Variants in ATP5F1C observed in about 807,000 individuals in gnomAD.
The protein encoded by ATP5F1C is ATP synthase F(1) complex subunit gamma, mitochondrial.
A neutral mutation model predicts 37.4 loss-of-function variants in ATP5F1C; 22 were observed. The observed-to-expected ratio is 0.59, with a 90% confidence interval of 0.42 to 0.84. The LOEUF is 0.84. Among genes scored for constraint, ATP5F1C ranks in the 40% least tolerant of loss-of-function variants. ATP5F1C has a pLI of 0.00. For missense variants in ATP5F1C, 286 were observed against 362.4 expected (o/e 0.79, Z 1.71); for synonymous variants, 121 against 128.0 (o/e 0.95, Z 0.37).
rs758752050 is a variant in ATP5F1C at position 7,805,383 on chromosome 10, G to A, written c.891-1591G>A. Reference sequence around the variant, plus strand: ...GGGGGTTTTTTTGCTCTTGACAAACGAATGTTAGGTATGACCTATGATGAT... The same window carrying A: ...GGGGGTTTTTTTGCTCTTGACAAACAAATGTTAGGTATGACCTATGATGAT... On this transcript the variant is annotated intron_variant, in intron 8 of 9. Transcript: ENST00000356708. Among the ~76,000 whole-genome samples, 7 of 152,158 alleles carry A rather than the reference G, an allele frequency of 4.6e-5. 1 individual carries two copies. The highest frequency in any genetic ancestry group is 1.0e-4 in the Non-Finnish European group (7 of 68,038).
rs780244697 is a variant in ATP5F1C, at chr10:7,799,820, G to GC, written c.483dup (p.Thr162HisfsTer11). 4 of 1,614,166 alleles carry GC rather than the reference G, an allele frequency of 2.5e-6. No individual in the cohort carries two copies. The highest frequency in any genetic ancestry group is 3.4e-6 in the Non-Finnish European group (4 of 1,180,018). On this transcript the variant is annotated frameshift_variant, in exon 5 of 10. Coordinates refer to ENST00000356708, the MANE Select transcript of ATP5F1C (RefSeq NM_001001973.3). LOFTEE classifies it high-confidence loss of function. Reference sequence around the variant, plus strand: ...TGGCATTCAAAGAAGTGGGAAGAAAGCCCCCCACTTTTGGAGATGCGTCAG... The same window carrying GC: ...TGGCATTCAAAGAAGTGGGAAGAAAGCCCCCCCACTTTTGGAGATGCGTCAG...
chr10:7,796,925 C>T, intron 2 of ATP5F1C, 122 bp from the exon 3 acceptor site: 1 of 1,097,360 alleles, frequency 9.1e-7, no homozygotes, highest in East Asian at 2.6e-5. Context: ...TAGCATCGTG[C>T]TGTTTATTGT....
At chr10:7,791,866 C>G (rs935097158) in intron 1 of ATP5F1C, among the ~76,000 whole-genome samples, 1 of 152,186 alleles carries the variant, frequency 6.6e-6, no homozygotes, top group Admixed American at 6.5e-5. Context: ...AGGGCAAATG[C>G]GTAGCATTAT....
chr10:7,803,999 C>T, intron 8 of ATP5F1C: 1 of 478,446 alleles, frequency 2.1e-6, no homozygotes, highest in Non-Finnish European at 4.2e-6. Flanking sequence ...AGGCCCTGTG[C>T]TAGACACTGA....
At chr10:7,791,331 G>C (rs1023426421) in intron 1 of ATP5F1C, among the ~76,000 whole-genome samples, 46 of 152,192 alleles carry the variant, frequency 3.0e-4, no homozygotes, top group African/African-American at 9.9e-4. Flanking sequence ...TGCAGTCATG[G>C]GTGTGGGTTA....
intron 4 of ATP5F1C, 59 bp from the exon 5 acceptor site, chr10:7,799,713 G>A (rs921281596): frequency 1.3e-6 from 2 of 1,592,112 alleles, no homozygotes; most frequent in East Asian, 4.5e-5. Flanking sequence ...CCTGTCCCCT[G>A]TGCTCTTTCA....
In ATP5F1C at chr10:7,799,774, C is replaced by T; in HGVS notation, c.431C>T (p.Thr144Ile). 2.5e-6 allele frequency: 4 copies of T among 1,613,808 alleles called. No homozygotes were observed. Among genetic ancestry groups the T allele is most frequent in the Non-Finnish European group, 3.4e-6 (4 of 1,179,946 alleles). ...GDKIRGILYR[T>I]HSDQFLVAFK... is the part of the protein sequence containing the mutation. Reference sequence around the variant, plus strand: ...GTGAGCTCTTGCTTTTCTTATAGGACTCATTCTGACCAGTTTCTGGTGGCA... The same window carrying T: ...GTGAGCTCTTGCTTTTCTTATAGGATTCATTCTGACCAGTTTCTGGTGGCA... Residue 144 changes from threonine (T) to isoleucine (I), a missense_variant and splice_region_variant, in exon 5 of 10, where the codon ACT (threonine) becomes ATT (isoleucine). Transcript: ENST00000356708.
intron 3 of ATP5F1C, among the ~76,000 whole-genome samples, chr10:7,797,930 ACTT>A (rs1272426251): frequency 1.1e-4 from 17 of 152,150 alleles, no homozygotes; most frequent in Admixed American, 1.1e-3. Context: ...ATGCTTTTAT[ACTT>A]GTTTGATTAT....
Position 7,797,152 on chromosome 10 carries a change from C to T in ATP5F1C, c.197C>T (p.Ala66Val), listed in dbSNP as rs1836255842. The T allele has an allele frequency of 6.2e-7, 1 of 1,614,014 alleles. No individual in the cohort carries two copies. Among genetic ancestry groups the T allele is most frequent in the Non-Finnish European group, 8.5e-7 (1 of 1,179,982 alleles). ...YARAERELKP[A>V]RIYGLGSLAL... ...CGAGCTGAGAGAGAGCTGAAACCAG[C>T]TCGAATATATGGATTGGGATCTTTA... is the stretch of plus-strand genomic sequence containing the variant. Residue 66 changes from alanine (A) to valine (V), a missense_variant, in exon 3 of 10, where the codon GCT becomes GTT. Ala to Val is a moderately conservative substitution (Grantham distance 64). Coordinates refer to ENST00000356708, the MANE Select transcript of ATP5F1C (RefSeq NM_001001973.3).
chr10:7,789,098 A>G (rs1836111122), intron 1 of ATP5F1C, among the ~76,000 whole-genome samples: 2 of 152,002 alleles, frequency 1.3e-5, no homozygotes, highest in African/African-American at 4.8e-5. Flanking sequence ...GGAAGTGCAT[A>G]TTAGAAGGCC....
In ATP5F1C at chr10:7,804,218, C is replaced by T. The variant is rs144883793; in HGVS notation, c.890+1364C>T. ...GAATACTTGCTGTGTGGCCCTTCAC[C>T]GAAAAAATTTGCCTATTCTTGTGAC... On this transcript the variant is annotated intron_variant, in intron 8 of 9. Coordinates refer to ENST00000356708, the MANE Select transcript of ATP5F1C (RefSeq NM_001001973.3). 115 of 517,704 alleles carry T rather than the reference C, an allele frequency of 2.2e-4. 1 individual carries two copies. The East Asian group carries it at 4.8e-3, about 22-fold the overall frequency. 32.1% of individuals were successfully genotyped at this position (517,704 alleles called of 1,614,324 possible).
rs766348762 is a variant in ATP5F1C at position 7,799,935 on chromosome 10, C to G, written c.572+20C>G. On this transcript the variant is annotated intron_variant, in intron 5 of 9. Transcript: ENST00000356708. ...ATTCAGGCAAGACAGATTTAGAAAT[C>G]AAAGCTTTTTTATGTTCATGCTTTT... 1.9e-6 allele frequency: 3 copies of G among 1,606,676 alleles called. No individual in the cohort carries two copies. Among genetic ancestry groups the G allele is most frequent in the Non-Finnish European group, 2.5e-6 (3 of 1,176,952 alleles).
At position 7,788,204 on chromosome 10, in the gene ATP5F1C, T is replaced by G; in HGVS notation, c.-4T>G. ...GACCGACCTTCAGCAGGGCTGTGGC[T>G]ACCATGTTCTCTCGCGCGGGTGTCG... On this transcript the variant is annotated 5_prime_UTR_variant, in exon 1 of 10. Coordinates refer to ENST00000356708, the MANE Select transcript of ATP5F1C (RefSeq NM_001001973.3). 6.2e-7 allele frequency: 1 copy of G among 1,613,378 alleles called. No individual in the cohort carries two copies. Among genetic ancestry groups the G allele is most frequent in the Non-Finnish European group, 8.5e-7 (1 of 1,179,920 alleles).
At chr10:7,793,689 A>G (rs914019273) in intron 1 of ATP5F1C, among the ~76,000 whole-genome samples, 2 of 152,184 alleles carry the variant, frequency 1.3e-5, no homozygotes, top group African/African-American at 4.8e-5. Flanking sequence ...TTAAAAACTC[A>G]TTGCCAAACC....
chr10:7,807,031 CCATGTCTGTTCAGAAAAGAAA>C (rs764405241), intron 9 of ATP5F1C, 21 bp downstream of exon 9: 9 of 1,600,136 alleles, frequency 5.6e-6, no homozygotes, highest in Non-Finnish European at 7.7e-6. Flanking sequence ...CACATTCTTC[CCATGTCTGTTCAGAAAAGAAA>C]CCTATTCAGA....
chr10:7,798,237 CT>C (rs1312869057), intron 3 of ATP5F1C, among the ~76,000 whole-genome samples: 1 of 151,026 alleles, frequency 6.6e-6, no homozygotes, highest in South Asian at 2.1e-4. Flanking sequence ...TGTTTGTTTT[CT>C]TTTTGTGTTT....
Position 7,807,026 on chromosome 10 carries a change from T to G in ATP5F1C, c.*30+16T>G. 6.2e-7 allele frequency: 1 copy of G among 1,601,384 alleles called. No individual in the cohort carries two copies. Among genetic ancestry groups the G allele is most frequent in the Non-Finnish European group, 8.5e-7 (1 of 1,170,080 alleles). ...CAGACAAGAGGTAAAGTTCACACAT[T>G]CTTCCCATGTCTGTTCAGAAAAGAA... On this transcript the variant is annotated intron_variant, in intron 9 of 9. Transcript: ENST00000356708.
intron 4 of ATP5F1C, chr10:7,799,515 C>A: frequency 1.8e-6 from 1 of 563,218 alleles, no homozygotes; most frequent in South Asian, 2.4e-5. Flanking sequence ...GAAATGTTAG[C>A]AATAGTTCAT....
At chr10:7,807,595 C>CT (rs1183923631) in intron 9 of ATP5F1C, 64 bp from the exon 10 acceptor site, 2 of 1,535,456 alleles carry the variant, frequency 1.3e-6, no homozygotes, top group Admixed American at 3.5e-5. Context: ...ATTATTATCT[C>CT]TTGACATTAT....
Sources: allele counts gnomAD v4.1 joint callset (sites outside exome capture counted in the v4.1 genomes callset), GRCh38; gene constraint gnomAD v4.1.1; transcripts MANE v1.5; gene names NCBI Gene and HGNC (gene_info 2026-07-23, HGNC 2026-07-21).